Variants in TCERG1L observed in about 807,000 individuals in gnomAD.
The protein encoded by TCERG1L is transcription elongation regulator 1 like.
TCERG1L carries 37 observed loss-of-function variants against 56.3 expected under a neutral mutation model. The observed-to-expected ratio is 0.66, with a 90% CI of 0.51 to 0.87. TCERG1L has a LOEUF of 0.87. TCERG1L is among the 40% of genes least tolerant of loss of function. TCERG1L has a pLI of 0.00. For synonymous variants in TCERG1L, 324 were observed against 326.3 expected, an observed-to-expected ratio of 0.99 and a Z score of 0.08; for missense variants, 799 against 774.2, an observed-to-expected ratio of 1.03 and a Z score of -0.38.
Position 131,093,329 on chromosome 10 carries a change from AAG to A in TCERG1L, c.1605-13_1605-12del, listed in dbSNP as rs556800084. On this transcript the variant is annotated splice_polypyrimidine_tract_variant and intron_variant, in intron 11 of 11. Coordinates refer to ENST00000368642, the MANE Select transcript of TCERG1L (RefSeq NM_174937.4). ...TCCTTAAACGTGGTCCTGAAAAAGA[AAG>A]AGTTTCCTGAGACACCTTCCAGAGA... is the stretch of plus-strand genomic sequence containing the variant. 11,139 of 1,611,698 alleles carry A rather than the reference AAG, an allele frequency of 6.9e-3. 77 individuals are homozygous for A. The highest frequency in any genetic ancestry group is 0.011 in the Middle Eastern group (64 of 6,042).
At position 131,092,602 on chromosome 10, in the gene TCERG1L, CG is replaced by C. The variant is rs1845191447; in HGVS notation, c.*559del. The C allele has an allele frequency of 6.6e-6, 1 of 152,536 alleles. No individual in the cohort carries two copies. The highest frequency in any genetic ancestry group is 2.4e-5 in the African/African-American group (1 of 41,446). 9.4% of individuals were successfully genotyped at this position (152,536 alleles called of 1,614,324 possible). Reference sequence around the variant, plus strand: ...GGGACGCCCCTCTGGGAGGAACGCGCGGCCACCCTTGGAAACCTGTAAGTGA... The same window carrying C: ...GGGACGCCCCTCTGGGAGGAACGCGCGCCACCCTTGGAAACCTGTAAGTGA... On this transcript the variant is annotated 3_prime_UTR_variant, in exon 12 of 12. Transcript: ENST00000368642.
intron 4 of TCERG1L, among the ~76,000 whole-genome samples, chr10:131,240,502 G>A (rs933300534): frequency 6.6e-6 from 1 of 151,880 alleles, no homozygotes; most frequent in African/African-American, 2.4e-5. Context: ...TCCCTGAAAC[G>A]CCAGAAGCAC....
chr10:131,127,882 TACCACTACCAAG>T (rs372312661), intron 8 of TCERG1L, among the ~76,000 whole-genome samples: 11 of 151,920 alleles, frequency 7.2e-5, no homozygotes, highest in Non-Finnish European at 1.5e-4. Flanking sequence ...CCAGCCCACA[TACCACTACCAAG>T]ACCACTACCA....
At chr10:131,142,425 A>G (rs1298735158) in intron 7 of TCERG1L, among the ~76,000 whole-genome samples, 1 of 152,262 alleles carries the variant, frequency 6.6e-6, no homozygotes, top group East Asian at 1.9e-4. Context: ...CACCAGTCAC[A>G]GCTGTGTTTA....
chr10:131,278,249 C>A (rs1846413357), intron 3 of TCERG1L, among the ~76,000 whole-genome samples: 1 of 152,052 alleles, frequency 6.6e-6, no homozygotes. Context: ...TAAAATGGGG[C>A]AGCGATGCTT....
At chr10:131,242,572 G>GT (rs1312036213) in intron 4 of TCERG1L, among the ~76,000 whole-genome samples, 2 of 152,186 alleles carry the variant, frequency 1.3e-5, no homozygotes, top group Non-Finnish European at 2.9e-5. Context: ...AACCTACACA[G>GT]TGAGTATCCC....
intron 9 of TCERG1L, among the ~76,000 whole-genome samples, chr10:131,104,565 C>T (rs758223429): frequency 1.3e-5 from 2 of 152,220 alleles, no homozygotes. Flanking sequence ...TTTCTAGACT[C>T]ATGACTATTT....
At chr10:131,233,429 T>A (rs376734161) in intron 4 of TCERG1L, among the ~76,000 whole-genome samples, 1 of 134,402 alleles carries the variant, frequency 7.4e-6, no homozygotes, top group Non-Finnish European at 1.7e-5. Flanking sequence ...CACACATATA[T>A]ACACACATAT....
chr10:131,231,786 G>A (rs1290095575), intron 4 of TCERG1L, among the ~76,000 whole-genome samples: 11 of 152,200 alleles, frequency 7.2e-5, no homozygotes, highest in African/African-American at 2.6e-4. Flanking sequence ...GCAAAAAAAA[G>A]ACCGGGACAG....
chr10:131,215,923 G>T (rs1209166539), intron 4 of TCERG1L, among the ~76,000 whole-genome samples: 1 of 152,138 alleles, frequency 6.6e-6, no homozygotes, highest in African/African-American at 2.4e-5. Context: ...TTGTGCAGAA[G>T]CTCGAGTCTG....
At chr10:131,239,545 C>T (rs547345790) in intron 4 of TCERG1L, among the ~76,000 whole-genome samples, 5 of 152,222 alleles carry the variant, frequency 3.3e-5, no homozygotes, top group Non-Finnish European at 7.3e-5. Flanking sequence ...CCACGCTGCA[C>T]GCTCCAGGTG....
At chr10:131,278,538 T>C (rs1453191439) in intron 3 of TCERG1L, among the ~76,000 whole-genome samples, 1 of 151,316 alleles carries the variant, frequency 6.6e-6, no homozygotes, top group African/African-American at 2.4e-5. Flanking sequence ...AGACAGGGTT[T>C]CACCATGTTG....
chr10:131,251,708 T>C (rs887920308), intron 4 of TCERG1L, among the ~76,000 whole-genome samples: 3 of 152,232 alleles, frequency 2.0e-5, no homozygotes, highest in Non-Finnish European at 2.9e-5. Context: ...CCAAGGTCCC[T>C]CAGATAAACT....
chr10:131,125,892 A>G (rs1845560406), intron 8 of TCERG1L, among the ~76,000 whole-genome samples: 1 of 152,204 alleles, frequency 6.6e-6, no homozygotes, highest in South Asian at 2.1e-4. Context: ...CACAGAGATG[A>G]CACTGCCCAG....
Position 131,298,922 on chromosome 10 carries a change from T to C in TCERG1L, c.670+9289A>G, listed in dbSNP as rs576563870. Among the ~76,000 whole-genome samples, 3 of 152,340 alleles carry C rather than the reference T, an allele frequency of 2.0e-5. No homozygotes were observed. In the East Asian group the frequency reaches 5.8e-4, roughly 29 times the overall value. On this transcript the variant is annotated intron_variant, in intron 3 of 11. Coordinates refer to ENST00000368642, the MANE Select transcript of TCERG1L (RefSeq NM_174937.4). ...CAGATGAGCTTCCATGCTGCAACAA[T>C]CACTAAGAGATGCTGAAATCTCCAA...
chr10:131,219,292 G>C (rs888330522), intron 4 of TCERG1L, among the ~76,000 whole-genome samples: 13 of 152,170 alleles, frequency 8.5e-5, no homozygotes, highest in African/African-American at 2.9e-4. Flanking sequence ...CCTGTCCCCT[G>C]TCCTTGAGCC....
chr10:131,097,886 G>C (rs1845266063), intron 11 of TCERG1L, among the ~76,000 whole-genome samples: 1 of 152,136 alleles, frequency 6.6e-6, no homozygotes, highest in African/African-American at 2.4e-5. Context: ...TGGAACCAAG[G>C]GGTGTGGTAG....
At chr10:131,245,480 T>C (rs1321960716) in intron 4 of TCERG1L, among the ~76,000 whole-genome samples, 3 of 151,874 alleles carry the variant, frequency 2.0e-5, no homozygotes, top group African/African-American at 7.2e-5. Flanking sequence ...TCACTTCCCT[T>C]GAAGAGGGCT....
chr10:131,246,130 A>AG (rs1280795219), intron 4 of TCERG1L, among the ~76,000 whole-genome samples: 3 of 152,022 alleles, frequency 2.0e-5, no homozygotes, highest in African/African-American at 7.2e-5. Flanking sequence ...CCCTGGCTGG[A>AG]GGGGGGATTG....
Sources: allele counts gnomAD v4.1 joint callset (sites outside exome capture counted in the v4.1 genomes callset), GRCh38; gene constraint gnomAD v4.1.1; transcripts MANE v1.5; gene names NCBI Gene and HGNC (gene_info 2026-07-23, HGNC 2026-07-21).